The following PKNOX2 variants were observed in gnomAD, a reference collection of about 807,000 sequenced individuals.
PKNOX2 encodes the protein homeobox protein PKNOX2.
Under a neutral mutation model 53.1 loss-of-function variants are expected in PKNOX2, and 14 were observed. That is an observed-to-expected ratio of 0.26 (90% CI 0.17 to 0.41). The LOEUF is 0.41. PKNOX2 is among the 10% of genes least tolerant of loss of function. The probability of loss-of-function intolerance (pLI) is 1.00; values close to 1 mark genes in which losing one functional copy is unlikely to be tolerated. For synonymous variants in PKNOX2, 257 were observed against 242.8 expected (o/e 1.06, Z -0.54); for missense variants, 496 against 602.8 (o/e 0.82, Z 1.85).
At chr11:125,319,949 G>A (rs1949425350) in intron 2 of PKNOX2, among the ~76,000 whole-genome samples, 1 of 152,220 alleles carries the variant, frequency 6.6e-6, no homozygotes, top group African/African-American at 2.4e-5. Context: ...CCATGGTAAA[G>A]ATTTTGACGT....
intron 3 of PKNOX2, among the ~76,000 whole-genome samples, chr11:125,333,123 G>C (rs1008700282): frequency 6.6e-6 from 1 of 152,216 alleles, no homozygotes; most frequent in African/African-American, 2.4e-5. Context: ...ATGTCACAAG[G>C]AGTTCACTGT....
Position 125,352,189 on chromosome 11 carries a change from T to C in PKNOX2, c.87+797T>C, listed in dbSNP as rs1260530723. On this transcript the variant is annotated intron_variant, in intron 4 of 12. Coordinates refer to ENST00000298282, the MANE Select transcript of PKNOX2 (RefSeq NM_001382323.2). The surrounding 1 kb of genome is among the most constrained non-coding windows in gnomAD (Gnocchi z 4.1). ...CCCCAGGTGCTCCTCTTGTCCACCC[T>C]TGGTTCTTTGGAAACTTCGAGTTTT... is the stretch of plus-strand genomic sequence containing the variant. Among the ~76,000 whole-genome samples the C allele has an allele frequency of 2.0e-5, 3 of 152,314 alleles. No individual in the cohort carries two copies. The highest frequency in any genetic ancestry group is 3.9e-4 in the East Asian group (2 of 5,182).
chr11:125,224,497 T>A (rs757567619), intron 1 of PKNOX2, among the ~76,000 whole-genome samples: 1 of 152,372 alleles, frequency 6.6e-6, no homozygotes, highest in African/African-American at 2.4e-5. Flanking sequence ...GGCCGAGGCC[T>A]GTGCTGTGAA....
At chr11:125,325,056 A>G (rs1050161186) in intron 2 of PKNOX2, among the ~76,000 whole-genome samples, 3 of 152,196 alleles carry the variant, frequency 2.0e-5, no homozygotes, top group African/African-American at 7.2e-5. Context: ...TGGGCAAGTG[A>G]AAGGCTTTTT....
chr11:125,423,750 A>T (rs1488920413), intron 10 of PKNOX2, among the ~76,000 whole-genome samples: 1 of 152,166 alleles, frequency 6.6e-6, no homozygotes, highest in Non-Finnish European at 1.5e-5. Context: ...AGCTCATAGA[A>T]GGGGCATCTG....
At chr11:125,417,193 C>T (rs575617303) in intron 10 of PKNOX2, among the ~76,000 whole-genome samples, 19 of 152,140 alleles carry the variant, frequency 1.2e-4, no homozygotes, top group African/African-American at 4.6e-4. Context: ...TCCCCATCCC[C>T]AGCTTCTACT....
intron 2 of PKNOX2, among the ~76,000 whole-genome samples, chr11:125,318,908 A>G (rs901626667): frequency 6.6e-6 from 1 of 152,122 alleles, no homozygotes; most frequent in African/African-American, 2.4e-5. Context: ...GCTGTTATGT[A>G]AGACGTGCCT....
intron 7 of PKNOX2, among the ~76,000 whole-genome samples, chr11:125,401,766 A>AGTGTGT (rs370503272): frequency 0.17 from 24,782 of 149,214 alleles, 2,432 homozygotes; most frequent in African/African-American, 0.29. Context: ...GGAGCTTGTG[A>AGTGTGT]GTGTGTGTGT....
intron 2 of PKNOX2, among the ~76,000 whole-genome samples, chr11:125,251,149 A>T (rs558417240): frequency 6.6e-6 from 1 of 152,316 alleles, no homozygotes; most frequent in Non-Finnish European, 1.5e-5. Flanking sequence ...CAAGTTGAGC[A>T]CTTGCCACCC....
At chr11:125,394,014 CA>C (rs1375428527) in intron 6 of PKNOX2, among the ~76,000 whole-genome samples, 1 of 152,074 alleles carries the variant, frequency 6.6e-6, no homozygotes, top group African/African-American at 2.4e-5. Context: ...TTATTTTCTT[CA>C]AATGCAAAAT....
At chr11:125,368,838 T>A (rs969102247) in intron 5 of PKNOX2, among the ~76,000 whole-genome samples, 1 of 152,216 alleles carries the variant, frequency 6.6e-6, no homozygotes, top group Non-Finnish European at 1.5e-5. Context: ...ACAGGGACTT[T>A]AGTTATCATT....
At chr11:125,340,400 A>G (rs1188088570) in intron 3 of PKNOX2, among the ~76,000 whole-genome samples, 1 of 152,034 alleles carries the variant, frequency 6.6e-6, no homozygotes, top group Non-Finnish European at 1.5e-5. Context: ...CTTCCCTGCT[A>G]TTTCCTGCCC....
chr11:125,344,514 T>A (rs533469277), intron 3 of PKNOX2, among the ~76,000 whole-genome samples: 1 of 152,066 alleles, frequency 6.6e-6, no homozygotes, highest in South Asian at 2.1e-4. Context: ...TCTTAGGGAG[T>A]CAGAAGCAGG....
intron 2 of PKNOX2, among the ~76,000 whole-genome samples, chr11:125,297,801 T>G (rs1435296695): frequency 6.6e-6 from 1 of 152,186 alleles, no homozygotes; most frequent in East Asian, 1.9e-4. Context: ...TTTTATTCCT[T>G]GAGGCTCAGC....
intron 2 of PKNOX2, among the ~76,000 whole-genome samples, chr11:125,243,733 C>T (rs922575696): frequency 3.9e-5 from 6 of 152,050 alleles, no homozygotes; most frequent in African/African-American, 1.4e-4. Flanking sequence ...TGCCGTTCTC[C>T]TGCCTCAGCC....
intron 9 of PKNOX2, chr11:125,411,241 C>T: frequency 3.3e-6 from 1 of 305,912 alleles, no homozygotes; most frequent in Non-Finnish European, 6.3e-6. Flanking sequence ...GTCACCTAAC[C>T]TCTCTGAGCC....
intron 2 of PKNOX2, among the ~76,000 whole-genome samples, chr11:125,309,156 T>TTTCTTTCC (rs1452472461): frequency 1.5e-5 from 2 of 137,226 alleles, no homozygotes; most frequent in Non-Finnish European, 3.2e-5. Flanking sequence ...TCTTTCTTTC[T>TTTCTTTCC]TTCCTTCCTT....
intron 1 of PKNOX2, among the ~76,000 whole-genome samples, chr11:125,202,999 T>C (rs1938625385): frequency 6.6e-6 from 1 of 152,198 alleles, no homozygotes; most frequent in African/African-American, 2.4e-5. Context: ...TTTTTCCTTA[T>C]GTGCTCTTCA....
At chr11:125,286,600 C>T (rs1468197346) in intron 2 of PKNOX2, among the ~76,000 whole-genome samples, 1 of 152,224 alleles carries the variant, frequency 6.6e-6, no homozygotes, top group Non-Finnish European at 1.5e-5. Context: ...GCTGAGCCCT[C>T]CTCCCCACTG....
Sources: allele counts gnomAD v4.1 joint callset (sites outside exome capture counted in the v4.1 genomes callset), GRCh38; gene constraint gnomAD v4.1.1; non-coding constraint Gnocchi (gnomAD v3.1); transcripts MANE v1.5; gene names NCBI Gene and HGNC (gene_info 2026-07-23, HGNC 2026-07-21).